The following ACLY variants were observed in gnomAD, a reference collection of about 807,000 sequenced individuals.
The protein encoded by ACLY is ATP citrate lyase, also known as ATP-citrate synthase.
ACLY carries 41 observed loss-of-function variants against 133.0 expected under a neutral mutation model. The observed-to-expected ratio is 0.31, with a 90% confidence interval of 0.24 to 0.40. The LOEUF is 0.40. Ranked by LOEUF, ACLY falls within the 10% of genes least tolerant of loss-of-function variation. ACLY has a pLI of 1.00. For synonymous variants in ACLY, 495 were observed against 549.3 expected, an observed-to-expected ratio of 0.90 and a Z score of 1.38; for missense variants, 1,046 against 1,453.8, an observed-to-expected ratio of 0.72 and a Z score of 4.56.
At chr17:41,869,160 T>G (rs1314314356) in intron 26 of ACLY, 35 bp from the exon 27 acceptor site, 1 of 1,548,524 alleles carries the variant, frequency 6.5e-7, no homozygotes, top group African/African-American at 1.4e-5. Flanking sequence ...CATTTATCAT[T>G]ATTTCTCATT....
intron 28 of ACLY, 40 bp from the exon 29 acceptor site, chr17:41,867,944 T>C: frequency 4.1e-6 from 6 of 1,459,644 alleles, no homozygotes; most frequent in Non-Finnish European, 4.8e-6. Flanking sequence ...TAGAGCTTCA[T>C]AAGCCTGGTG....
chr17:41,902,895 C>T (rs1002169462), intron 10 of ACLY, among the ~76,000 whole-genome samples: 3 of 152,286 alleles, frequency 2.0e-5, no homozygotes, highest in South Asian at 2.1e-4. Context: ...GGCACGATCA[C>T]GGCTCACTGC....
chr17:41,920,357 T>C (rs1423812515), upstream of ACLY, among the ~76,000 whole-genome samples: 1 of 152,116 alleles, frequency 6.6e-6, no homozygotes, highest in Non-Finnish European at 1.5e-5. Flanking sequence ...CCCAGCACTT[T>C]GGAAGGCCAA....
chr17:41,884,411 C>A, intron 18 of ACLY, 137 bp from the exon 19 acceptor site: 1 of 610,706 alleles, frequency 1.6e-6, no homozygotes, highest in Admixed American at 2.8e-5. Flanking sequence ...TCCAGAGATG[C>A]CCCAGCAATA....
At position 41,918,913 on chromosome 17, in the gene ACLY, C is replaced by T. The variant is rs1555634963; in HGVS notation, c.-57G>A. 2.3e-6 allele frequency: 3 copies of T among 1,288,990 alleles called. No individual in the cohort carries two copies. Among genetic ancestry groups the T allele is most frequent in the Non-Finnish European group, 3.0e-6 (3 of 988,590 alleles). 79.8% of individuals were successfully genotyped at this position (1,288,990 alleles called of 1,614,324 possible). A position where few individuals can be genotyped will look rare whatever the true frequency, so the allele number is the denominator to read the frequency against. Reference sequence around the variant, plus strand: ...AAGTCCGTGCGCGGCGCTTCTTCCACAGGCCCGACGAACCCCGCAAAATCC... The same window carrying T: ...AAGTCCGTGCGCGGCGCTTCTTCCATAGGCCCGACGAACCCCGCAAAATCC... On this transcript the variant is annotated 5_prime_UTR_variant, in exon 1 of 29. The change creates a new upstream start codon in the 5' untranslated region. Transcript: ENST00000352035.
intron 6 of ACLY, among the ~76,000 whole-genome samples, chr17:41,908,658 G>A (rs1478524284): frequency 6.6e-6 from 1 of 152,234 alleles, no homozygotes; most frequent in African/African-American, 2.4e-5. Context: ...CAGCTACTCG[G>A]AAGGCTGAGG....
intron 1 of ACLY, among the ~76,000 whole-genome samples, chr17:41,927,307 G>A (rs1456479631): frequency 6.6e-6 from 1 of 151,888 alleles, no homozygotes; most frequent in Non-Finnish European, 1.5e-5. Context: ...ATGTTCCCAG[G>A]CAGTTAGTCT....
chr17:41,904,862 T>A, intron 9 of ACLY, 72 bp from the exon 10 acceptor site: 1 of 1,454,922 alleles, frequency 6.9e-7, no homozygotes, highest in Non-Finnish European at 9.6e-7. Flanking sequence ...GCAATCCAAC[T>A]GAGGAAGTTC....
intron 13 of ACLY, among the ~76,000 whole-genome samples, chr17:41,896,910 G>A (rs2049384562): frequency 1.3e-5 from 2 of 152,236 alleles, no homozygotes; most frequent in African/African-American, 4.8e-5. Context: ...CTGGGCAGAT[G>A]TGCTCAACAC....
At chr17:41,916,886 T>C (rs1004010414) in intron 1 of ACLY, among the ~76,000 whole-genome samples, 3 of 151,914 alleles carry the variant, frequency 2.0e-5, no homozygotes, top group Admixed American at 2.0e-4. Context: ...GGCTTGCGCC[T>C]GTAATCCCAG....
At chr17:41,876,278 C>T (rs1244306551) in intron 22 of ACLY, among the ~76,000 whole-genome samples, 55 of 150,106 alleles carry the variant, frequency 3.7e-4, no homozygotes, top group Non-Finnish European at 7.0e-4. Context: ...CCGCCCCGTC[C>T]GGGAGGGAGG....
chr17:41,880,813 C>G (rs1555627178), intron 20 of ACLY, among the ~76,000 whole-genome samples: 1 of 151,842 alleles, frequency 6.6e-6, no homozygotes, highest in Non-Finnish European at 1.5e-5. Flanking sequence ...TTGCAGTGAG[C>G]CGAGACTGCA....
At chr17:41,924,120 T>G (rs1253271491) in intron 1 of ACLY, among the ~76,000 whole-genome samples, 1 of 149,044 alleles carries the variant, frequency 6.7e-6, no homozygotes, top group African/African-American at 2.5e-5. Context: ...AGTTCTACTA[T>G]TTTTTTCTTT....
rs1280536386 is a variant in ACLY, at chr17:41,868,609, AAAAAAAG to A, written c.3211+93_3211+99del. On this transcript the variant is annotated intron_variant, in intron 28 of 28. Coordinates refer to ENST00000352035, the MANE Select transcript of ACLY (RefSeq NM_001096.3). Reference sequence around the variant, plus strand: ...ACCACAAAAAGAAAATTAAAAAAAAAAAAAAAGAAAGAAAAAGAAACTCAACCCCATG... The same window carrying A: ...ACCACAAAAAGAAAATTAAAAAAAAAAAAGAAAAAGAAACTCAACCCCATG... 17 of 723,712 alleles carry A rather than the reference AAAAAAAG, an allele frequency of 2.3e-5. No homozygotes were observed. In the East Asian group the frequency reaches 2.8e-4, roughly 12 times the overall value. 44.8% of individuals were successfully genotyped at this position (723,712 alleles called of 1,614,324 possible).
At chr17:41,869,933 T>TTG (rs2048557080) in intron 25 of ACLY, among the ~76,000 whole-genome samples, 2 of 152,296 alleles carry the variant, frequency 1.3e-5, no homozygotes, top group African/African-American at 4.8e-5. Context: ...AGTCTTAGGT[T>TTG]CCAGCCTCCA....
intron 27 of ACLY, 117 bp from the exon 28 acceptor site, chr17:41,868,902 T>C: frequency 1.5e-6 from 2 of 1,348,648 alleles, no homozygotes; most frequent in Non-Finnish European, 2.1e-6. Context: ...GTGGTAGCAT[T>C]ACAGGCAATT....
At chr17:41,908,303 A>T (rs2049787142) in intron 6 of ACLY, among the ~76,000 whole-genome samples, 1 of 152,226 alleles carries the variant, frequency 6.6e-6, no homozygotes, top group African/African-American at 2.4e-5. Context: ...CCCAGCATCA[A>T]GGGTTAATGA....
chr17:41,930,030 G>A (rs2050298211), intron 1 of ACLY, among the ~76,000 whole-genome samples: 1 of 152,214 alleles, frequency 6.6e-6, no homozygotes, highest in African/African-American at 2.4e-5. Flanking sequence ...CACTTTTGGA[G>A]GAGTGGTGAT....
chr17:41,897,758 T>C lies in ACLY; in HGVS notation c.1420A>G (p.Met474Val), dbSNP rs143663053. Reference protein sequence around the residue: ...VAPAKKAKPAMPQDSVPSPRS... With the variant: ...VAPAKKAKPAVPQDSVPSPRS... ...AGCCTCAGGGAGTTACCTTGTGGCATGGCAGGCTTGGCCTTCTTTGCAGGC... is the reference window on the plus strand; with the variant it reads ...AGCCTCAGGGAGTTACCTTGTGGCACGGCAGGCTTGGCCTTCTTTGCAGGC... Residue 474 changes from methionine (M) to valine (V), a missense_variant, in exon 13 of 29, where the codon ATG becomes GTG. Met to Val is a conservative substitution (Grantham distance 21). Around this residue, in one of 4 missense-constraint regions of ACLY, gnomAD observed 575 missense variants for 804.2 expected, o/e 0.71. Coordinates refer to ENST00000352035, the MANE Select transcript of ACLY (RefSeq NM_001096.3). 1 of 1,612,528 alleles carries C rather than the reference T, an allele frequency of 6.2e-7. No individual in the cohort carries two copies.
Sources: gnomAD v4.1 joint callset for allele counts (sites outside exome capture counted in the v4.1 genomes callset) on GRCh38, gnomAD v4.1.1 for gene constraint, gnomAD v4.1.1 regional missense constraint, MANE v1.5 for transcripts, NCBI Gene and HGNC (gene_info 2026-07-23, HGNC 2026-07-21) for gene names.